The following TMEM67 variants were observed in gnomAD, a reference collection of about 807,000 sequenced individuals.
The protein encoded by TMEM67 is transmembrane protein 67.
In TMEM67, 124 loss-of-function variants were observed where a neutral mutation model predicts 136.6. The observed-to-expected ratio is 0.91, with a 90% CI of 0.78 to 1.05. The LOEUF is 1.05. Ranked by LOEUF, TMEM67 falls within the 50% of genes least tolerant of loss-of-function variation. TMEM67 has a pLI of 0.00. For missense variants in TMEM67, 1,107 were observed against 1,178.4 expected, an observed-to-expected ratio of 0.94 and a Z score of 0.89; for synonymous variants, 364 against 390.5, an observed-to-expected ratio of 0.93 and a Z score of 0.80.
At chr8:93,795,307 G>T in intron 16 of TMEM67, 102 bp from the exon 17 acceptor site, 1 of 966,220 alleles carries the variant, frequency 1.0e-6, no homozygotes. Flanking sequence ...AAGGCTTCAG[G>T]CTTAAGAAAT....
chr8:93,814,072 C>A (rs1213648329), intron 26 of TMEM67, among the ~76,000 whole-genome samples: 1 of 151,184 alleles, frequency 6.6e-6, no homozygotes, highest in Non-Finnish European at 1.5e-5. Context: ...CCATGGGCTG[C>A]TTCAGTGGTT....
In TMEM67 at chr8:93,795,482, G is replaced by A. The variant is rs752744482; in HGVS notation, c.1748G>A (p.Gly583Asp). The A allele has an allele frequency of 6.2e-7, 1 of 1,613,904 alleles. No individual in the cohort carries two copies. Among genetic ancestry groups the A allele is most frequent in the Non-Finnish European group, 8.5e-7 (1 of 1,179,872 alleles). The change falls in exon 17 of 28, where the codon GGT becomes GAT. Residue 583 changes from glycine (G) to aspartate (D), a missense_variant. Gly to Asp is a moderately conservative substitution (Grantham distance 94). Coordinates refer to ENST00000453321, the MANE Select transcript of TMEM67 (RefSeq NM_153704.6). ...TTCTTTATCATCACAGTGGGAACAG[G>A]TCTTTACTGGCTTATTTTCTTCAAA... is the stretch of plus-strand genomic sequence containing the variant. ...NVFFIITVGT[G>D]LYWLIFFKAQ...
intron 21 of TMEM67, among the ~76,000 whole-genome samples, chr8:93,802,831 A>G (rs573070173): frequency 2.0e-5 from 3 of 152,258 alleles, no homozygotes; most frequent in Non-Finnish European, 4.4e-5. Context: ...CTATTCATCC[A>G]CATATTTGAG....
rs1212071483 is a variant in TMEM67 at position 93,817,944 on chromosome 8, A to T, written c.*1492A>T. The T allele has an allele frequency of 1.3e-5, 2 of 152,258 alleles. No homozygotes were observed. Among genetic ancestry groups the T allele is most frequent in the Non-Finnish European group, 2.9e-5 (2 of 68,042 alleles). The allele number at this position is 152,258 out of a possible 1,614,324, so 9.4% of individuals were successfully genotyped here. On this transcript the variant is annotated 3_prime_UTR_variant, in exon 28 of 28. Coordinates refer to ENST00000453321, the MANE Select transcript of TMEM67 (RefSeq NM_153704.6). ...AGCATATGAAAGAAATTCAACCATC[A>T]TTCAACATAGAAGAAGTTAATTTTA...
rs1477251719 is a variant in TMEM67 at position 93,818,088 on chromosome 8, G to A, written c.*1636G>A. The A allele has an allele frequency of 1.3e-5, 2 of 151,860 alleles. No individual in the cohort carries two copies. Among genetic ancestry groups the A allele is most frequent in the Non-Finnish European group, 2.9e-5 (2 of 67,950 alleles). 9.4% of individuals were successfully genotyped at this position (151,860 alleles called of 1,614,324 possible). A position where few individuals can be genotyped will look rare whatever the true frequency, so the allele number is the denominator to read the frequency against. ...AATTTTGTATGATATTTTTATTTTG[G>A]CTAGGTGCATAAAAATGTGTTCAGA... is the stretch of plus-strand genomic sequence containing the variant. On this transcript the variant is annotated 3_prime_UTR_variant, in exon 28 of 28. Coordinates refer to ENST00000453321, the MANE Select transcript of TMEM67 (RefSeq NM_153704.6).
chr8:93,760,033 G>A (rs990378517), intron 3 of TMEM67: 2 of 1,398,578 alleles, frequency 1.4e-6, no homozygotes, highest in Non-Finnish European at 1.9e-6. Context: ...GCTTTTAAGT[G>A]AAAATGCATT....
At chr8:93,787,354 C>T (rs533334427) in intron 13 of TMEM67, among the ~76,000 whole-genome samples, 33 of 152,212 alleles carry the variant, frequency 2.2e-4, no homozygotes, top group East Asian at 1.7e-3. Flanking sequence ...ACAGTCTTCC[C>T]GCCTTGGCCT....
At chr8:93,768,310 C>T (rs1229459453) in intron 6 of TMEM67, among the ~76,000 whole-genome samples, 2 of 151,802 alleles carry the variant, frequency 1.3e-5, no homozygotes, top group African/African-American at 2.4e-5. Context: ...ATTTCTGTGT[C>T]TGTGTATATA....
intron 3 of TMEM67, among the ~76,000 whole-genome samples, chr8:93,761,154 CCTGG>C (rs1812812161): frequency 6.6e-6 from 1 of 152,090 alleles, no homozygotes; most frequent in East Asian, 1.9e-4. Flanking sequence ...TCAAAATTAG[CCTGG>C]CATGGTGGCA....
chr8:93,821,237 G>A (rs576760244), downstream of TMEM67, among the ~76,000 whole-genome samples: 1 of 152,272 alleles, frequency 6.6e-6, no homozygotes, highest in East Asian at 1.9e-4. Flanking sequence ...AAAGTTTCTA[G>A]AAGATAAAAG....
the TMEM67 span, among the ~76,000 whole-genome samples, chr8:93,824,806 G>C: frequency 3.3e-5 from 5 of 152,202 alleles, no homozygotes; most frequent in South Asian, 1.0e-3. Flanking sequence ...ACCTCTGCCT[G>C]CGGGTTCAAG....
At chr8:93,760,982 A>G (rs1335445389) in intron 3 of TMEM67, among the ~76,000 whole-genome samples, 1 of 152,200 alleles carries the variant, frequency 6.6e-6, no homozygotes, top group Admixed American at 6.5e-5. Context: ...TAAAGCTAAA[A>G]TGAGATTTTA....
At chr8:93,830,616 C>T in the TMEM67 span, among the ~76,000 whole-genome samples, 1 of 152,122 alleles carries the variant, frequency 6.6e-6, no homozygotes, top group Admixed American at 6.5e-5. Context: ...GGAGAAACTC[C>T]CACACATTTG....
chr8:93,786,987 T>G (rs888881219), intron 13 of TMEM67, among the ~76,000 whole-genome samples: 1 of 152,226 alleles, frequency 6.6e-6, no homozygotes, highest in African/African-American at 2.4e-5. Flanking sequence ...TCTCATAATC[T>G]TATAAACAGT....
intron 21 of TMEM67, among the ~76,000 whole-genome samples, chr8:93,801,384 G>T (rs1814863133): frequency 1.3e-5 from 2 of 150,592 alleles, no homozygotes; most frequent in Non-Finnish European, 3.0e-5. Context: ...ACAGGCACAT[G>T]CCACCACACC....
At chr8:93,818,480 A>C (rs908023768), downstream of TMEM67, among the ~76,000 whole-genome samples, 4 of 152,192 alleles carry the variant, frequency 2.6e-5, no homozygotes, top group Admixed American at 2.6e-4. Context: ...CTGATGACCT[A>C]CATTGAGGAA....
At position 93,809,147 on chromosome 8, in the gene TMEM67, T is replaced by C. The variant is rs548693232; in HGVS notation, c.2647T>C (p.Ser883Pro). Residue 883 changes from serine (S) to proline (P), a missense_variant, in exon 25 of 28, where the codon TCC becomes CCC. By Grantham distance (74) the Ser-to-Pro change is moderately conservative. Coordinates refer to ENST00000453321, the MANE Select transcript of TMEM67 (RefSeq NM_153704.6). ...AYHMMNKFLG[S>P]FIDHVHKEMD... ...TCATATGATGAATAAATTTCTTGGC[T>C]CCTTCATTGACCATGTATGTATGTC... is the stretch of plus-strand genomic sequence containing the variant. The C allele has an allele frequency of 1.3e-6, 2 of 1,584,222 alleles. No individual in the cohort carries two copies. Among genetic ancestry groups the C allele is most frequent in the Non-Finnish European group, 8.7e-7 (1 of 1,153,634 alleles).
chr8:93,765,100 A>G (rs1314267053), intron 4 of TMEM67, among the ~76,000 whole-genome samples: 2 of 152,228 alleles, frequency 1.3e-5, no homozygotes, highest in East Asian at 3.9e-4. Flanking sequence ...CATTTATATG[A>G]GTTTGTTGCT....
intron 23 of TMEM67, among the ~76,000 whole-genome samples, chr8:93,805,953 T>C (rs1247280184): frequency 6.6e-6 from 1 of 152,176 alleles, no homozygotes; most frequent in Non-Finnish European, 1.5e-5. Flanking sequence ...GTAGGAAGTA[T>C]ATAATTTCAC....
Sources: gnomAD v4.1 joint callset for allele counts (sites outside exome capture counted in the v4.1 genomes callset) on GRCh38, gnomAD v4.1.1 for gene constraint, MANE v1.5 for transcripts, NCBI Gene and HGNC (gene_info 2026-07-23, HGNC 2026-07-21) for gene names.